FBXW8: variants seen among roughly 807,000 people sequenced by gnomAD.
FBXW8 encodes F-box/WD repeat-containing protein 8.
Under a neutral mutation model 65.3 loss-of-function variants are expected in FBXW8, and 57 were observed. The observed-to-expected ratio is 0.87, with a 90% CI of 0.71 to 1.09. The LOEUF is 1.09. Ranked by LOEUF, FBXW8 falls within the 50% of genes least tolerant of loss-of-function variation. The probability of loss-of-function intolerance (pLI) is 0.00; values close to 1 mark genes in which losing one functional copy is unlikely to be tolerated. For synonymous variants in FBXW8, 308 were observed against 330.2 expected (o/e 0.93, Z 0.73); for missense variants, 777 against 814.8 (o/e 0.95, Z 0.57).
chr12:117,027,642 A>G, intron 10 of FBXW8, 138 bp downstream of exon 10: 1 of 721,180 alleles, frequency 1.4e-6, no homozygotes, highest in Non-Finnish European at 2.4e-6. Context: ...AATTGGAAAC[A>G]TAAACGTGGA....
intron 4 of FBXW8, among the ~76,000 whole-genome samples, chr12:116,954,220 A>G (rs1196438970): frequency 6.6e-6 from 1 of 152,152 alleles, no homozygotes; most frequent in African/African-American, 2.4e-5. Flanking sequence ...AGCATGGAAC[A>G]CAACCTTTAT....
intron 8 of FBXW8, among the ~76,000 whole-genome samples, chr12:117,019,531 G>A (rs1302612313): frequency 6.6e-6 from 1 of 152,198 alleles, no homozygotes; most frequent in African/African-American, 2.4e-5. Context: ...GCAGGAAGAA[G>A]AAACAGTCTC....
intron 4 of FBXW8, among the ~76,000 whole-genome samples, chr12:116,955,880 G>A (rs1883611363): frequency 6.6e-6 from 1 of 152,184 alleles, no homozygotes; most frequent in African/African-American, 2.4e-5. Context: ...GCCACCTAGT[G>A]AAGAGTGCAT....
In FBXW8 at chr12:116,949,715, A is replaced by G. The variant is rs753325159; in HGVS notation, c.677+9A>G. On this transcript the variant is annotated intron_variant, in intron 4 of 10. Transcript: ENST00000652555. ...GGTGTGGTCATTGCGGGGTAAGCCAAACCGTTTCCACTGAGTGCTCTGCAT... is the reference window on the plus strand; with the variant it reads ...GGTGTGGTCATTGCGGGGTAAGCCAGACCGTTTCCACTGAGTGCTCTGCAT... 6.2e-6 allele frequency: 10 copies of G among 1,613,506 alleles called. No individual in the cohort carries two copies. The highest frequency in any genetic ancestry group is 1.1e-5 in the South Asian group (1 of 91,076).
chr12:117,004,730 C>CAACTG (rs1953634994), intron 7 of FBXW8, among the ~76,000 whole-genome samples: 1 of 152,060 alleles, frequency 6.6e-6, no homozygotes, highest in African/African-American at 2.4e-5. Flanking sequence ...TGCAGGGACC[C>CAACTG]AACTGTAGGT....
chr12:116,936,259 G>C lies in FBXW8; in HGVS notation c.423+8132G>C, dbSNP rs893678271. The stretch of plus-strand genomic sequence containing the variant: ...CGAAGGACTTGAGGCAGACACAGCT[G>C]AAGCTCATCTGAGGCAGGGTGCGCC... On this transcript the variant is annotated intron_variant, in intron 2 of 10. Transcript: ENST00000652555. This position sits in a 1 kb window ranked among gnomAD's most constrained non-coding sequence, Gnocchi z 4.6. Among the ~76,000 whole-genome samples, 4 of 152,210 alleles carry C rather than the reference G, an allele frequency of 2.6e-5. No individual in the cohort carries two copies. Among genetic ancestry groups the C allele is most frequent in the African/African-American group, 9.6e-5 (4 of 41,454 alleles).
chr12:116,964,597 G>A lies in FBXW8; in HGVS notation c.678-100G>A, dbSNP rs972924778. ...CCTCAGCAGTGGCTCTACACCACCC[G>A]ATTCTTACTTGTCTGTTGTTGTAAG... On this transcript the variant is annotated intron_variant, in intron 4 of 10. Transcript: ENST00000652555. 1.7e-5 allele frequency: 24 copies of A among 1,435,530 alleles called. No homozygotes were observed. The Admixed American group carries it at 2.9e-4, about 17-fold the overall frequency. 88.9% of individuals were successfully genotyped at this position (1,435,530 alleles called of 1,614,324 possible). A position where few individuals can be genotyped will look rare whatever the true frequency, so the allele number is the denominator to read the frequency against.
chr12:117,016,568 T>C (rs2135716449), intron 8 of FBXW8, among the ~76,000 whole-genome samples: 1 of 152,260 alleles, frequency 6.6e-6, no homozygotes. Flanking sequence ...ATTCTGTGGG[T>C]TGTCTTTTCG....
intron 1 of FBXW8, among the ~76,000 whole-genome samples, chr12:116,914,700 A>T (rs1470249553): frequency 2.0e-5 from 3 of 151,982 alleles, no homozygotes; most frequent in African/African-American, 7.2e-5. Flanking sequence ...ACAAGGAGAA[A>T]CTCTGTCTCT....
At chr12:116,947,420 A>G (rs1245670603) in intron 3 of FBXW8, among the ~76,000 whole-genome samples, 1 of 152,170 alleles carries the variant, frequency 6.6e-6, no homozygotes, top group African/African-American at 2.4e-5. Context: ...TGGGATTCTT[A>G]CCAAAATTCT....
intron 2 of FBXW8, among the ~76,000 whole-genome samples, chr12:116,940,575 G>C (rs908461947): frequency 1.3e-5 from 2 of 151,016 alleles, no homozygotes; most frequent in Non-Finnish European, 2.9e-5. Context: ...TTACTGTTGC[G>C]AGGAAGAGAA....
At chr12:116,914,807 G>A (rs1278629564) in intron 1 of FBXW8, among the ~76,000 whole-genome samples, 2 of 152,124 alleles carry the variant, frequency 1.3e-5, no homozygotes, top group East Asian at 1.9e-4. Context: ...CCCAGGAGGC[G>A]GAGGTTGTGG....
At chr12:117,006,583 C>T (rs1028512012) in intron 7 of FBXW8, among the ~76,000 whole-genome samples, 7 of 152,234 alleles carry the variant, frequency 4.6e-5, no homozygotes, top group Non-Finnish European at 7.3e-5. Context: ...TCTGGACCAC[C>T]GCCCCTGCTG....
chr12:116,999,422 G>C (rs557794796), intron 7 of FBXW8, among the ~76,000 whole-genome samples: 2 of 152,300 alleles, frequency 1.3e-5, no homozygotes, highest in African/African-American at 4.8e-5. Flanking sequence ...TGGCCCGGGT[G>C]GCTTCTTTGC....
chr12:116,992,112 T>C (rs192910294), intron 7 of FBXW8, among the ~76,000 whole-genome samples: 30 of 152,380 alleles, frequency 2.0e-4, no homozygotes, highest in African/African-American at 7.2e-4. Flanking sequence ...GCTCTGTTAA[T>C]AAACATAGTT....
chr12:116,953,800 A>G (rs796350341), intron 4 of FBXW8, among the ~76,000 whole-genome samples: 8 of 146,430 alleles, frequency 5.5e-5, no homozygotes, highest in African/African-American at 1.3e-4. Flanking sequence ...AAACAAAACA[A>G]AACAAACAAA....
intron 7 of FBXW8, among the ~76,000 whole-genome samples, chr12:117,007,587 A>C (rs1418931391): frequency 6.6e-6 from 1 of 152,226 alleles, no homozygotes; most frequent in East Asian, 1.9e-4. Flanking sequence ...ATTAGTGCAG[A>C]ATATTTTCTC....
In FBXW8 at chr12:117,028,223, T is replaced by G; in HGVS notation, c.*51T>G. ...AGAAAAATGGGAAGAACCAGTTTTA[T>G]CCATCTTAAAACGCCAGGCACCTCT... On this transcript the variant is annotated 3_prime_UTR_variant, in exon 11 of 11. Coordinates refer to ENST00000652555, the MANE Select transcript of FBXW8 (RefSeq NM_153348.3). This position sits in a 1 kb window ranked among gnomAD's most constrained non-coding sequence, Gnocchi z 4.1. 1 of 1,604,656 alleles carries G rather than the reference T, an allele frequency of 6.2e-7. No individual in the cohort carries two copies. The highest frequency in any genetic ancestry group is 8.5e-7 in the Non-Finnish European group (1 of 1,174,616).
At position 116,928,120 on chromosome 12, in the gene FBXW8, G is replaced by T; in HGVS notation, c.416G>T (p.Cys139Phe). 1 of 1,601,460 alleles carries T rather than the reference G, an allele frequency of 6.2e-7. No homozygotes were observed. Among genetic ancestry groups the T allele is most frequent in the South Asian group, 1.1e-5 (1 of 89,724 alleles). ...CTGGACAGGAAAGAACTAGGAAGAT[G>T]TGCACAGGTAAGGTGTCACCAACAG... ...QYLDRKELGR[C>F]AQVSKTWKVI... Residue 139 changes from cysteine to phenylalanine, a missense_variant, in exon 2 of 11, where the codon TGT becomes TTT. Physicochemically the swap from Cys to Phe is radical, Grantham distance 205. Transcript: ENST00000652555.
Sources: gnomAD v4.1 joint callset for allele counts (sites outside exome capture counted in the v4.1 genomes callset) on GRCh38, gnomAD v4.1.1 for gene constraint, Gnocchi (gnomAD v3.1) non-coding constraint, MANE v1.5 for transcripts, NCBI Gene and HGNC (gene_info 2026-07-23, HGNC 2026-07-21) for gene names.